Variants in TRPM3 observed in about 807,000 individuals in gnomAD.
TRPM3 encodes transient receptor potential cation channel subfamily M member 3, also known as long transient receptor potential channel 3.
In TRPM3, 77 loss-of-function variants were observed where a neutral mutation model predicts 181.2. The observed-to-expected ratio is 0.42, with a 90% CI of 0.35 to 0.51. TRPM3 has a LOEUF of 0.51. Ranked by LOEUF, TRPM3 falls within the 20% of genes least tolerant of loss-of-function variation. The pLI is 0.01. For synonymous variants in TRPM3, 745 were observed against 796.4 expected (o/e 0.94, Z 1.09); for missense variants, 1,759 against 2,196.7 (o/e 0.80, Z 3.98).
intron 1 of TRPM3, among the ~76,000 whole-genome samples, chr9:71,364,108 G>A (rs1344788021): frequency 1.3e-5 from 2 of 151,844 alleles, no homozygotes; most frequent in Non-Finnish European, 2.9e-5. Context: ...AGATCTATAG[G>A]CATGCAAAAA....
intron 9 of TRPM3, among the ~76,000 whole-genome samples, chr9:70,655,097 G>C (rs1490565565): frequency 2.0e-5 from 3 of 150,520 alleles, no homozygotes; most frequent in Non-Finnish European, 4.4e-5. Flanking sequence ...CACAAGGTCA[G>C]GAGTTCGAGA....
intron 1 of TRPM3, among the ~76,000 whole-genome samples, chr9:71,341,979 T>C (rs952685276): frequency 6.6e-5 from 10 of 151,682 alleles, no homozygotes; most frequent in Non-Finnish European, 1.3e-4. Flanking sequence ...GCAGAGAGGA[T>C]GAGCAAAAGA....
At chr9:71,251,436 CT>C (rs2082336527) in intron 1 of TRPM3, among the ~76,000 whole-genome samples, 1 of 152,060 alleles carries the variant, frequency 6.6e-6, no homozygotes, top group African/African-American at 2.4e-5. Context: ...ATAATGCTGT[CT>C]TTCATTCTTG....
Position 70,694,452 on chromosome 9 carries a change from G to C in TRPM3, c.1273-12874C>G, listed in dbSNP as rs533489829. Among the ~76,000 whole-genome samples the C allele has an allele frequency of 4.6e-5, 7 of 152,270 alleles. No homozygotes were observed. The South Asian group carries it at 1.4e-3, about 32-fold the overall frequency. ...AATTCCTTAACAACATCCATAGGAA[G>C]AGACGTTGGTTTTCATGGATGGTAC... On this transcript the variant is annotated intron_variant, in intron 8 of 25. Transcript: ENST00000677713.
intron 1 of TRPM3, among the ~76,000 whole-genome samples, chr9:71,290,747 G>C (rs540048210): frequency 6.6e-6 from 1 of 152,042 alleles, no homozygotes; most frequent in Non-Finnish European, 1.5e-5. Context: ...AGTAATTCAC[G>C]TCAAATCATC....
At chr9:71,114,398 A>G (rs1429643743) in intron 1 of TRPM3, among the ~76,000 whole-genome samples, 1 of 152,158 alleles carries the variant, frequency 6.6e-6, no homozygotes, top group African/African-American at 2.4e-5. Flanking sequence ...CAGTCACAGC[A>G]CTGTATTTTT....
chr9:70,827,117 T>C (rs1442732925), intron 6 of TRPM3: 1 of 152,248 alleles, frequency 6.6e-6, no homozygotes, highest in African/African-American at 2.4e-5. Flanking sequence ...TCTAAATCCA[T>C]ATGTATCTAG....
At chr9:71,435,062 C>G (rs1029115103) in intron 1 of TRPM3, among the ~76,000 whole-genome samples, 5 of 151,914 alleles carry the variant, frequency 3.3e-5, no homozygotes, top group African/African-American at 4.8e-5. Flanking sequence ...TAAGAATATT[C>G]AAAAAATTAT....
At chr9:70,799,260 G>A (rs921342162) in intron 6 of TRPM3, among the ~76,000 whole-genome samples, 3 of 152,072 alleles carry the variant, frequency 2.0e-5, no homozygotes, top group African/African-American at 7.2e-5. Context: ...GTAAGCTAGG[G>A]GTGACCTTCA....
chr9:70,983,948 T>C (rs982910974), intron 1 of TRPM3, among the ~76,000 whole-genome samples: 1 of 152,178 alleles, frequency 6.6e-6, no homozygotes. Context: ...TTACTGCAGA[T>C]TGTGGGTCAG....
At chr9:71,142,641 C>A (rs2075177149) in intron 1 of TRPM3, among the ~76,000 whole-genome samples, 1 of 152,022 alleles carries the variant, frequency 6.6e-6, no homozygotes, top group African/African-American at 2.4e-5. Context: ...CTAATTTGAA[C>A]ACATTAACTT....
chr9:71,106,118 A>C (rs1172195630), intron 1 of TRPM3, among the ~76,000 whole-genome samples: 1 of 152,166 alleles, frequency 6.6e-6, no homozygotes, highest in East Asian at 1.9e-4. Flanking sequence ...ATACTAGAAA[A>C]GTCAGTTTAG....
At chr9:70,543,392 C>A (rs1217672088) in intron 25 of TRPM3, among the ~76,000 whole-genome samples, 1 of 152,168 alleles carries the variant, frequency 6.6e-6, no homozygotes, top group Admixed American at 6.5e-5. Flanking sequence ...GAAGTTATTA[C>A]TGACTATAGT....
upstream of TRPM3, among the ~76,000 whole-genome samples, chr9:71,124,266 T>C (rs143292939): frequency 6.1e-4 from 91 of 148,970 alleles, 1 homozygote; most frequent in East Asian, 0.017. Context: ...TATTTTCACA[T>C]AGAAGATGCC....
At chr9:70,642,538 G>A (rs1797972386) in intron 9 of TRPM3, among the ~76,000 whole-genome samples, 3 of 152,194 alleles carry the variant, frequency 2.0e-5, no homozygotes, top group Non-Finnish European at 4.4e-5. Flanking sequence ...ATCACCTGGG[G>A]AGCTTCGCTC....
intron 1 of TRPM3, among the ~76,000 whole-genome samples, chr9:70,907,914 C>A (rs1329413863): frequency 2.0e-5 from 3 of 152,208 alleles, no homozygotes; most frequent in Non-Finnish European, 4.4e-5. Context: ...CCTAGTATTC[C>A]ATTGTGTATA....
chr9:71,250,746 G>A (rs1207629408), intron 1 of TRPM3, among the ~76,000 whole-genome samples: 1 of 152,172 alleles, frequency 6.6e-6, no homozygotes. Context: ...GGAGCCAGAA[G>A]CAGAGGGATC....
chr9:70,860,288 A>T (rs1479758791), intron 3 of TRPM3, among the ~76,000 whole-genome samples: 1 of 152,206 alleles, frequency 6.6e-6, no homozygotes, highest in Non-Finnish European at 1.5e-5. Flanking sequence ...GAGAGAGTGA[A>T]GGCTGAGATC....
intron 1 of TRPM3, among the ~76,000 whole-genome samples, chr9:71,432,328 T>C (rs1289111172): frequency 9.2e-6 from 1 of 109,144 alleles, no homozygotes; most frequent in Non-Finnish European, 1.8e-5. Flanking sequence ...TAGGACTTTT[T>C]TTTTTTTTTT....
Sources: allele counts gnomAD v4.1 joint callset (sites outside exome capture counted in the v4.1 genomes callset), GRCh38; gene constraint gnomAD v4.1.1; transcripts MANE v1.5; gene names NCBI Gene and HGNC (gene_info 2026-07-23, HGNC 2026-07-21).